The following CACNA1C variants were observed in gnomAD, a reference collection of about 807,000 sequenced individuals.
The protein encoded by CACNA1C is calcium voltage-gated channel subunit alpha1 C.
A neutral mutation model predicts 229.0 loss-of-function variants in CACNA1C; 30 were observed. The ratio of observed to expected loss-of-function variants is 0.13; its 90% CI spans 0.10 to 0.18. The LOEUF (loss-of-function observed/expected upper bound fraction) is 0.18, where lower values mean the gene tolerates loss of function less well. Among genes scored for constraint, CACNA1C ranks in the 10% least tolerant of loss-of-function variants. The pLI is 1.00. For missense variants in CACNA1C, 1,658 were observed against 2,845.0 expected, an observed-to-expected ratio of 0.58 and a Z score of 9.49; for synonymous variants, 1,114 against 1,132.5, an observed-to-expected ratio of 0.98 and a Z score of 0.33.
intron 9 of CACNA1C, among the ~76,000 whole-genome samples, chr12:2,535,835 A>G (rs2099853607): frequency 6.6e-6 from 1 of 152,086 alleles, no homozygotes; most frequent in Non-Finnish European, 1.5e-5. Flanking sequence ...CAGCAGGCAG[A>G]GTTGGGAGAA....
chr12:2,165,650 A>G (rs1183135167), intron 3 of CACNA1C, among the ~76,000 whole-genome samples: 1 of 152,210 alleles, frequency 6.6e-6, no homozygotes, highest in Non-Finnish European at 1.5e-5. Flanking sequence ...CTGGCTTAAG[A>G]TGATCCCTTT....
At chr12:2,621,285 T>G (rs216014) in intron 29 of CACNA1C, among the ~76,000 whole-genome samples, 139,694 of 152,068 alleles carry the variant, frequency 0.92, 65,284 homozygotes, top group East Asian at 1. Context: ...GGCACCTGTT[T>G]AAAATAAGGA....
chr12:2,404,897 G>A (rs149599708), intron 3 of CACNA1C, among the ~76,000 whole-genome samples: 87 of 152,290 alleles, frequency 5.7e-4, no homozygotes, highest in African/African-American at 1.6e-3. Flanking sequence ...AAGGATCCAC[G>A]TACATGTTTC....
chr12:2,334,391 C>G (rs1048254995), intron 3 of CACNA1C, among the ~76,000 whole-genome samples: 2 of 152,214 alleles, frequency 1.3e-5, no homozygotes, highest in South Asian at 2.1e-4. Flanking sequence ...CTCAAAAGGA[C>G]AGGAGCGCTG....
chr12:2,192,011 C>T (rs970340762), intron 3 of CACNA1C, among the ~76,000 whole-genome samples: 7 of 151,854 alleles, frequency 4.6e-5, no homozygotes, highest in Admixed American at 2.6e-4. Context: ...CACACACATA[C>T]GTTCACACAT....
intron 1 of CACNA1C, among the ~76,000 whole-genome samples, chr12:2,007,319 C>CA (rs1055065116): frequency 6.6e-6 from 1 of 152,154 alleles, no homozygotes; most frequent in Non-Finnish European, 1.5e-5. Context: ...AAGAATAGAT[C>CA]ATGGCCTCCA....
intron 4 of CACNA1C, among the ~76,000 whole-genome samples, chr12:2,454,440 C>T (rs747103534): frequency 2.6e-5 from 4 of 152,284 alleles, no homozygotes; most frequent in South Asian, 2.1e-4. Flanking sequence ...TTCGTCCCAC[C>T]GCACTCTTCA....
At chr12:2,462,416 C>T (rs1226099922) in intron 5 of CACNA1C, among the ~76,000 whole-genome samples, 3 of 152,158 alleles carry the variant, frequency 2.0e-5, no homozygotes, top group East Asian at 1.9e-4. Context: ...CGTTCATCCA[C>T]CCTTCCCTGC....
chr12:2,201,993 T>C (rs970776006), intron 3 of CACNA1C, among the ~76,000 whole-genome samples: 1 of 152,250 alleles, frequency 6.6e-6, no homozygotes, highest in African/African-American at 2.4e-5. Context: ...TTTGTCTTCC[T>C]GGCAAGGACT....
At chr12:2,370,055 C>A (rs1173536823) in intron 3 of CACNA1C, among the ~76,000 whole-genome samples, 1 of 152,042 alleles carries the variant, frequency 6.6e-6, no homozygotes, top group African/African-American at 2.4e-5. Flanking sequence ...GAAAATTTGG[C>A]AAAGGACGTG....
At chr12:2,004,962 C>CAAA (rs542036357) in intron 1 of CACNA1C, among the ~76,000 whole-genome samples, 2 of 143,674 alleles carry the variant, frequency 1.4e-5, no homozygotes, top group Non-Finnish European at 1.5e-5. Flanking sequence ...TCTGCAAGGT[C>CAAA]AAAAAAAAAA....
intron 3 of CACNA1C, among the ~76,000 whole-genome samples, chr12:2,248,621 C>G: frequency 6.6e-6 from 1 of 152,206 alleles, no homozygotes; most frequent in African/African-American, 2.4e-5. Flanking sequence ...GTGATCATCC[C>G]CAAGGCAGTG....
At chr12:2,377,394 C>G (rs1238664308) in intron 3 of CACNA1C, among the ~76,000 whole-genome samples, 2 of 152,122 alleles carry the variant, frequency 1.3e-5, no homozygotes, top group Non-Finnish European at 2.9e-5. Context: ...CCACATGCAC[C>G]CAGCTGCAAC....
intron 4 of CACNA1C, among the ~76,000 whole-genome samples, chr12:2,455,191 GAAA>G (rs2099409882): frequency 1.3e-5 from 2 of 152,144 alleles, no homozygotes; most frequent in Non-Finnish European, 2.9e-5. Flanking sequence ...CTCCCATTCA[GAAA>G]CAAAACCCTC....
At chr12:2,114,178 G>A (rs924632379) in intron 1 of CACNA1C, among the ~76,000 whole-genome samples, 2 of 152,210 alleles carry the variant, frequency 1.3e-5, no homozygotes, top group Non-Finnish European at 2.9e-5. Context: ...CCTGACTTGG[G>A]GTCTCTCCTG....
chr12:2,158,512 G>A (rs778784924), intron 3 of CACNA1C, among the ~76,000 whole-genome samples: 13 of 152,054 alleles, frequency 8.5e-5, no homozygotes, highest in Non-Finnish European at 1.6e-4. Flanking sequence ...GGGCGATGGA[G>A]CAAGACTCTG....
rs2153896724 is a variant in CACNA1C, at chr12:2,692,403, T to C, written c.*1204T>C. ...GTGTGTGTGTGGTGGGTTGTCTGTG[T>C]GCATATGTCCTGCCCGTGTATATGC... On this transcript the variant is annotated 3_prime_UTR_variant, in exon 47 of 47. Coordinates refer to ENST00000399655, the MANE Select transcript of CACNA1C (RefSeq NM_000719.7). 6.6e-6 allele frequency: 1 copy of C among 152,658 alleles called. No individual in the cohort carries two copies. Among genetic ancestry groups the C allele is most frequent in the South Asian group, 2.1e-4 (1 of 4,830 alleles). The allele number at this position is 152,658 out of a possible 1,614,324, so 9.5% of individuals were successfully genotyped here.
At chr12:2,555,323 G>T (rs982509047) in intron 10 of CACNA1C, among the ~76,000 whole-genome samples, 8 of 152,134 alleles carry the variant, frequency 5.3e-5, no homozygotes, top group African/African-American at 1.9e-4. Context: ...TCATCAAGGG[G>T]CACCCCAGAC....
In CACNA1C at chr12:2,361,019, C is replaced by T. The variant is rs1307560726; in HGVS notation, c.478-87957C>T. Among the ~76,000 whole-genome samples, 3 of 152,012 alleles carry T rather than the reference C, an allele frequency of 2.0e-5. No homozygotes were observed. The South Asian group carries it at 6.2e-4, about 32-fold the overall frequency. ...CAAACTACAGATTCTGTTCTTTGGC[C>T]TCAGAACAGTCTTGTGTATGTTTTA... On this transcript the variant is annotated intron_variant, in intron 3 of 46. Coordinates refer to ENST00000399655, the MANE Select transcript of CACNA1C (RefSeq NM_000719.7).
Sources: allele counts gnomAD v4.1 joint callset (sites outside exome capture counted in the v4.1 genomes callset), GRCh38; gene constraint gnomAD v4.1.1; transcripts MANE v1.5; gene names NCBI Gene and HGNC (gene_info 2026-07-23, HGNC 2026-07-21).